The following LRRC53 variants were observed in gnomAD, a reference collection of about 807,000 sequenced individuals.
The protein encoded by LRRC53 is leucine-rich repeat-containing protein 53.
LRRC53 carries 25 observed loss-of-function variants against 13.6 expected under a neutral mutation model. The ratio of observed to expected loss-of-function variants is 1.83; its 90% CI spans 1.34 to 2.56. LRRC53 has a LOEUF of 2.56. Ranked by LOEUF, LRRC53 falls within the 30% of genes most tolerant of loss-of-function variation. The pLI is 0.00. For synonymous variants in LRRC53, 204 were observed against 109.8 expected (o/e 1.86, Z -5.37); for missense variants, 527 against 275.8 (o/e 1.91, Z -6.45).
rs980129174 is a variant in LRRC53 at position 74,470,964 on chromosome 1, A to G, written c.2658T>C (p.Asp886=). 6 of 400,632 alleles carry G rather than the reference A, an allele frequency of 1.5e-5. No homozygotes were observed. Among genetic ancestry groups the G allele is most frequent in the African/African-American group, 1.0e-4 (5 of 48,692 alleles). The allele number at this position is 400,632 out of a possible 1,614,324, so 24.8% of individuals were successfully genotyped here. Residue 886 remains aspartate (D), a synonymous_variant, in exon 5 of 5, where the codon GAT becomes GAC. Coordinates refer to ENST00000294635, the MANE Select transcript of LRRC53 (RefSeq NM_001382280.1). Reference sequence around the variant, plus strand: ...TCCTGGAATGTTGGAATGGTAAAACATCACTTCCTGTATTTTCCCAAGTAG... The same window carrying G: ...TCCTGGAATGTTGGAATGGTAAAACGTCACTTCCTGTATTTTCCCAAGTAG... The part of the protein sequence containing the change: ...LATTWENTGS[D]VLPFQHSRRA...
the LRRC53 span, among the ~76,000 whole-genome samples, chr1:74,530,460 A>T: frequency 6.6e-6 from 1 of 152,204 alleles, no homozygotes. Flanking sequence ...TAAAGTATCG[A>T]GTAGAGTCCC....
chr1:74,482,058 T>C (rs1668531908), intron 2 of LRRC53, among the ~76,000 whole-genome samples: 1 of 152,222 alleles, frequency 6.6e-6, no homozygotes, highest in African/African-American at 2.4e-5. Context: ...TTTCAGCATT[T>C]ATGATTGATT....
At chr1:74,497,695 T>C (rs1669401351) in intron 1 of LRRC53, among the ~76,000 whole-genome samples, 1 of 152,100 alleles carries the variant, frequency 6.6e-6, no homozygotes, top group Non-Finnish European at 1.5e-5. Context: ...TTGCAACATC[T>C]TTAACTTCTC....
the LRRC53 span, among the ~76,000 whole-genome samples, chr1:74,534,728 G>A: frequency 0.93 from 142,118 of 152,186 alleles, 66,515 homozygotes; most frequent in Non-Finnish European, 0.96. Flanking sequence ...ATATTCTACA[G>A]ATTTCTTTTA....
chr1:74,483,586 G>A (rs1668605936), intron 1 of LRRC53, among the ~76,000 whole-genome samples: 1 of 152,160 alleles, frequency 6.6e-6, no homozygotes, highest in Non-Finnish European at 1.5e-5. Flanking sequence ...AATTCAGAGA[G>A]CTCACATCCA....
chr1:74,518,283 A>G, the LRRC53 span, among the ~76,000 whole-genome samples: 1 of 152,224 alleles, frequency 6.6e-6, no homozygotes, highest in Non-Finnish European at 1.5e-5. Context: ...GGTCATTAAC[A>G]GAAATTGAAA....
rs1293527377 is a variant in LRRC53 at position 74,483,376 on chromosome 1, C to G, written c.-26-1G>C. On this transcript the variant is annotated splice_acceptor_variant, in intron 1 of 4. Coordinates refer to ENST00000294635, the MANE Select transcript of LRRC53 (RefSeq NM_001382280.1). LOFTEE classifies it low-confidence loss of function (5UTR_SPLICE). ...ATGGCAAAGAGTACCAGCCATCCAC[C>G]TGAAAGGAAAGTAGAGGGCAATGTA... 2 of 717,000 alleles carry G rather than the reference C, an allele frequency of 2.8e-6. No homozygotes were observed. The highest frequency in any genetic ancestry group is 5.2e-6 in the Non-Finnish European group (2 of 384,804). The allele number at this position is 717,000 out of a possible 1,614,324, so 44.4% of individuals were successfully genotyped here.
At chr1:74,473,115 G>A (rs1668017130) in intron 4 of LRRC53, among the ~76,000 whole-genome samples, 1 of 152,052 alleles carries the variant, frequency 6.6e-6, no homozygotes, top group African/African-American at 2.4e-5. Flanking sequence ...AAAAATAATA[G>A]TAATACCATT....
chr1:74,483,337 C>A lies in LRRC53; in HGVS notation c.13G>T (p.Val5Leu). The change falls in exon 2 of 5, where the codon GTG becomes TTG. Residue 5 changes from valine to leucine, a missense_variant. Transcript: ENST00000294635. Reference sequence around the variant, plus strand: ...ACACATGACTCAGGGCAAGCTGCCACCAACCGCAACATGATGGCAAAGAGT... The same window carrying A: ...ACACATGACTCAGGGCAAGCTGCCAACAACCGCAACATGATGGCAAAGAGT... MLRL[V>L]AACPESCVVC... is the part of the protein sequence containing the mutation. 2 of 717,424 alleles carry A rather than the reference C, an allele frequency of 2.8e-6. No individual in the cohort carries two copies. The highest frequency in any genetic ancestry group is 3.0e-5 in the South Asian group (2 of 67,580). 44.4% of individuals were successfully genotyped at this position (717,424 alleles called of 1,614,324 possible).
chr1:74,481,449 G>A (rs757752374), intron 2 of LRRC53, among the ~76,000 whole-genome samples: 2 of 152,166 alleles, frequency 1.3e-5, no homozygotes, highest in Non-Finnish European at 2.9e-5. Context: ...CAAAAGTAAA[G>A]GTGCGAGTTG....
intron 3 of LRRC53, among the ~76,000 whole-genome samples, chr1:74,477,110 T>G (rs1216641611): frequency 6.6e-6 from 1 of 152,170 alleles, no homozygotes; most frequent in Non-Finnish European, 1.5e-5. Context: ...TATTGACAGA[T>G]AGATTCTAGA....
chr1:74,526,686 C>T, the LRRC53 span, among the ~76,000 whole-genome samples: 3 of 152,112 alleles, frequency 2.0e-5, no homozygotes, highest in Non-Finnish European at 4.4e-5. Context: ...TAGTCTTTAA[C>T]ATTCCTCTCC....
upstream of LRRC53, among the ~76,000 whole-genome samples, chr1:74,513,233 GT>G: frequency 6.6e-6 from 1 of 152,124 alleles, no homozygotes; most frequent in East Asian, 1.9e-4. Context: ...TTCCTAGTTC[GT>G]TTATTCAGCT....
chr1:74,518,573 C>T, the LRRC53 span, among the ~76,000 whole-genome samples: 3 of 152,124 alleles, frequency 2.0e-5, no homozygotes, highest in Non-Finnish European at 4.4e-5. Context: ...TTCTACTAAT[C>T]GTGACGAAGC....
chr1:74,472,145 C>G lies in LRRC53; in HGVS notation c.1477G>C (p.Gly493Arg), dbSNP rs977034451. ...RYATPASALA[G>R]ESLEKRLTNE... Reference sequence around the variant, plus strand: ...GTTAAACGCTTCTCAAGACTTTCTCCTGCCAAGGCTGAAGCGGGTGTTGCA... The same window carrying G: ...GTTAAACGCTTCTCAAGACTTTCTCGTGCCAAGGCTGAAGCGGGTGTTGCA... The change falls in exon 5 of 5, where the codon GGA becomes CGA. Residue 493 changes from glycine to arginine, a missense_variant. Physicochemically the swap from Gly to Arg is moderately radical, Grantham distance 125. Coordinates refer to ENST00000294635, the MANE Select transcript of LRRC53 (RefSeq NM_001382280.1). 1 of 717,070 alleles carries G rather than the reference C, an allele frequency of 1.4e-6. No individual in the cohort carries two copies. Among genetic ancestry groups the G allele is most frequent in the African/African-American group, 1.7e-5 (1 of 57,212 alleles). The allele number at this position is 717,070 out of a possible 1,614,324, so 44.4% of individuals were successfully genotyped here.
At chr1:74,516,871 T>C (rs1362590677), upstream of LRRC53, among the ~76,000 whole-genome samples, 2 of 152,202 alleles carry the variant, frequency 1.3e-5, no homozygotes, top group East Asian at 1.9e-4. Flanking sequence ...AATGCCCTTA[T>C]TGCCAGTTCA....
intron 1 of LRRC53, among the ~76,000 whole-genome samples, chr1:74,487,290 A>G (rs1668815119): frequency 6.6e-6 from 1 of 152,184 alleles, no homozygotes; most frequent in South Asian, 2.1e-4. Context: ...TTTCATCCAC[A>G]GAAACAAAAG....
chr1:74,496,782 A>T (rs950803930), intron 1 of LRRC53, among the ~76,000 whole-genome samples: 2 of 152,146 alleles, frequency 1.3e-5, no homozygotes, highest in Non-Finnish European at 2.9e-5. Flanking sequence ...GTGCCTCTAG[A>T]TATATTTGGA....
chr1:74,484,881 T>G (rs1481434146), intron 1 of LRRC53, among the ~76,000 whole-genome samples: 2 of 152,206 alleles, frequency 1.3e-5, no homozygotes, highest in African/African-American at 4.8e-5. Flanking sequence ...AGTTGGGAAC[T>G]ACTTTTAGAT....
Sources: allele counts gnomAD v4.1 joint callset (sites outside exome capture counted in the v4.1 genomes callset), GRCh38; gene constraint gnomAD v4.1.1; transcripts MANE v1.5; gene names NCBI Gene and HGNC (gene_info 2026-07-23, HGNC 2026-07-21).